Variants in SPAG16 observed in about 807,000 individuals in gnomAD.
SPAG16 encodes the protein sperm-associated antigen 16 protein.
Under a neutral mutation model 80.4 loss-of-function variants are expected in SPAG16, and 86 were observed. The ratio of observed to expected loss-of-function variants is 1.07; its 90% CI spans 0.90 to 1.28. The LOEUF is 1.28. SPAG16 is among the 50% of genes most tolerant of loss of function. SPAG16 has a pLI of 0.00. For synonymous variants in SPAG16, 294 were observed against 265.9 expected (o/e 1.11, Z -1.03); for missense variants, 870 against 765.3 (o/e 1.14, Z -1.61).
At chr2:213,381,744 C>G (rs2067183706) in intron 9 of SPAG16, among the ~76,000 whole-genome samples, 1 of 152,192 alleles carries the variant, frequency 6.6e-6, no homozygotes, top group African/African-American at 2.4e-5. Flanking sequence ...AGAGATGTAG[C>G]CACTAACCAT....
intron 15 of SPAG16, among the ~76,000 whole-genome samples, chr2:214,183,499 T>C (rs759645387): frequency 6.6e-6 from 1 of 152,166 alleles, no homozygotes; most frequent in East Asian, 1.9e-4. Context: ...GGCTCTCAGC[T>C]TGTTCAAGTC....
At chr2:213,506,491 C>T (rs1273119852) in intron 10 of SPAG16, among the ~76,000 whole-genome samples, 1 of 152,092 alleles carries the variant, frequency 6.6e-6, no homozygotes, top group Non-Finnish European at 1.5e-5. Flanking sequence ...TTTCTGTCTG[C>T]CTAATTTCCT....
chr2:214,069,890 A>G (rs928486273), intron 13 of SPAG16, among the ~76,000 whole-genome samples: 3 of 152,166 alleles, frequency 2.0e-5, no homozygotes, highest in Non-Finnish European at 4.4e-5. Context: ...GGTTCTTTAT[A>G]TCAACCAAGG....
intron 9 of SPAG16, among the ~76,000 whole-genome samples, chr2:213,418,027 TC>T (rs2069365881): frequency 6.6e-6 from 1 of 152,022 alleles, no homozygotes. Flanking sequence ...GCATGCTCCA[TC>T]ACACCCAGCT....
chr2:214,128,542 A>G (rs75792228), intron 14 of SPAG16, among the ~76,000 whole-genome samples: 2,586 of 151,924 alleles, frequency 0.017, 42 homozygotes, highest in Middle Eastern at 0.044. Flanking sequence ...ATCAATTAAT[A>G]TGCATCCAAA....
In SPAG16 at chr2:213,862,543, A is replaced by C; in HGVS notation, c.1129A>C (p.Lys377Gln). The part of the protein sequence containing the change: ...LVSCGEDRLW[K>Q]VLGLPKCNVL... ...CTCCTGTGGCGAGGACCGACTCTGGAAGGTGTTGGGCCTTCCAAAATGCAA... is the reference window on the plus strand; with the variant it reads ...CTCCTGTGGCGAGGACCGACTCTGGCAGGTGTTGGGCCTTCCAAAATGCAA... Residue 377 changes from lysine to glutamine, a missense_variant, in exon 11 of 16, where the codon AAG becomes CAG. Coordinates refer to ENST00000331683, the MANE Select transcript of SPAG16 (RefSeq NM_024532.5). 6.2e-7 allele frequency: 1 copy of C among 1,614,098 alleles called. No individual in the cohort carries two copies. The highest frequency in any genetic ancestry group is 8.5e-7 in the Non-Finnish European group (1 of 1,179,994).
At position 213,316,149 on chromosome 2, in the gene SPAG16, A is replaced by C. The variant is rs919050245; in HGVS notation, c.399-1070A>C. ...TGCTAGGCATATTACATTTAACACGAATGGAAACAATCCCTTGATTACTCC... is the reference window on the plus strand; with the variant it reads ...TGCTAGGCATATTACATTTAACACGCATGGAAACAATCCCTTGATTACTCC... On this transcript the variant is annotated intron_variant, in intron 4 of 15. Transcript: ENST00000331683. 1.3e-4 allele frequency among the ~76,000 whole-genome samples: 20 copies of C among 151,970 alleles called. 1 individual carries two copies. The highest frequency in any genetic ancestry group is 4.3e-4 in the African/African-American group (18 of 41,408).
chr2:213,340,231 T>C lies in SPAG16; in HGVS notation c.605T>C (p.Ile202Thr), dbSNP rs760508018. 1 of 1,612,666 alleles carries C rather than the reference T, an allele frequency of 6.2e-7. No homozygotes were observed. ...TTTCATCGAATGCATCATAAGCGAATAGTCCAGGAAAAAAACAAATTAATT... is the reference window on the plus strand; with the variant it reads ...TTTCATCGAATGCATCATAAGCGAACAGTCCAGGAAAAAAACAAATTAATT... The part of the protein sequence containing the change: ...RDFHRMHHKR[I>T]VQEKNKLIND... The change falls in exon 6 of 16, where the codon ATA (isoleucine) becomes ACA (threonine). Residue 202 changes from isoleucine to threonine, a missense_variant. Transcript: ENST00000331683.
At chr2:213,882,778 G>C (rs2076393744) in intron 11 of SPAG16, among the ~76,000 whole-genome samples, 1 of 151,904 alleles carries the variant, frequency 6.6e-6, no homozygotes, top group Admixed American at 6.6e-5. Flanking sequence ...TTGCATTTTT[G>C]CTTTGCAATA....
intron 10 of SPAG16, among the ~76,000 whole-genome samples, chr2:213,712,284 T>A (rs1447165827): frequency 6.6e-6 from 1 of 152,208 alleles, no homozygotes; most frequent in Non-Finnish European, 1.5e-5. Context: ...CAAATATTTA[T>A]GTTCACTGAA....
chr2:213,973,480 A>C (rs1448918863), intron 12 of SPAG16, among the ~76,000 whole-genome samples: 1 of 152,094 alleles, frequency 6.6e-6, no homozygotes, highest in African/African-American at 2.4e-5. Flanking sequence ...ATTATTTTTC[A>C]ATAAACCCTG....
intron 13 of SPAG16, among the ~76,000 whole-genome samples, chr2:214,078,046 G>A (rs189566726): frequency 6.6e-6 from 1 of 152,264 alleles, no homozygotes; most frequent in Admixed American, 6.5e-5. Context: ...CTCAGGTGAT[G>A]AGAGGCAGCT....
intron 7 of SPAG16, among the ~76,000 whole-genome samples, chr2:213,355,040 A>G (rs1276779377): frequency 6.6e-6 from 1 of 152,138 alleles, no homozygotes; most frequent in African/African-American, 2.4e-5. Context: ...TAATTTTTGT[A>G]TAAGGTGTAA....
chr2:213,298,893 A>G (rs1337587954), intron 3 of SPAG16, among the ~76,000 whole-genome samples: 1 of 152,220 alleles, frequency 6.6e-6, no homozygotes, highest in African/African-American at 2.4e-5. Flanking sequence ...GAAAATTCAC[A>G]GAAGTTGTCC....
chr2:213,620,819 A>G lies in SPAG16; in HGVS notation c.1070+130729A>G, dbSNP rs948114661. Among the ~76,000 whole-genome samples the G allele has an allele frequency of 4.6e-5, 7 of 152,284 alleles. No homozygotes were observed. The East Asian group carries it at 1.2e-3, about 25-fold the overall frequency. On this transcript the variant is annotated intron_variant, in intron 10 of 15. Transcript: ENST00000331683. Reference sequence around the variant, plus strand: ...CTTTTATTGTCAAATGTAATTATATATATTTAATTTTTGCTTATGATAAGA... The same window carrying G: ...CTTTTATTGTCAAATGTAATTATATGTATTTAATTTTTGCTTATGATAAGA...
chr2:213,911,727 T>C (rs190256221), intron 11 of SPAG16, among the ~76,000 whole-genome samples: 84 of 151,742 alleles, frequency 5.5e-4, no homozygotes, highest in Non-Finnish European at 5.4e-4. Flanking sequence ...GAAAGAAAAG[T>C]TGGAATTGAG....
chr2:213,350,585 C>G lies in SPAG16; in HGVS notation c.702C>G (p.His234Gln), dbSNP rs1559441447. 1.2e-6 allele frequency: 2 copies of G among 1,603,808 alleles called. No homozygotes were observed. The highest frequency in any genetic ancestry group is 1.7e-5 in the Admixed American group (1 of 57,396). The change falls in exon 7 of 16, where the codon CAC (histidine) becomes CAG (glutamine). Residue 234 changes from histidine (H) to glutamine (Q), a missense_variant. Coordinates refer to ENST00000331683, the MANE Select transcript of SPAG16 (RefSeq NM_024532.5). ...CTATAAGGGTGTTACATGAGAAACACCACACTTTACTGAAGGAGAAAATGC... is the reference window on the plus strand; with the variant it reads ...CTATAAGGGTGTTACATGAGAAACAGCACACTTTACTGAAGGAGAAAATGC... ...EPTIRVLHEK[H>Q]HTLLKEKMLT...
At chr2:213,576,632 AC>A (rs1387629879) in intron 10 of SPAG16, among the ~76,000 whole-genome samples, 1 of 152,202 alleles carries the variant, frequency 6.6e-6, no homozygotes, top group Non-Finnish European at 1.5e-5. Context: ...ACCATGGGAT[AC>A]TATGGAGCCA....
intron 10 of SPAG16, among the ~76,000 whole-genome samples, chr2:213,798,153 CT>C (rs2071162806): frequency 6.6e-6 from 1 of 152,150 alleles, no homozygotes. Context: ...GAATTATTTA[CT>C]CTTTTGTTAT....
Sources: gnomAD v4.1 joint callset for allele counts (sites outside exome capture counted in the v4.1 genomes callset) on GRCh38, gnomAD v4.1.1 for gene constraint, MANE v1.5 for transcripts, NCBI Gene and HGNC (gene_info 2026-07-23, HGNC 2026-07-21) for gene names.